The following DCC variants were observed in gnomAD, a reference collection of about 807,000 sequenced individuals.
DCC encodes netrin receptor DCC.
In DCC, 58 loss-of-function variants were observed where a neutral mutation model predicts 172.5. That is an observed-to-expected ratio of 0.34 (90% confidence interval 0.27 to 0.42). DCC has a LOEUF of 0.42. Among genes scored for constraint, DCC ranks in the 10% least tolerant of loss-of-function variants. DCC has a pLI of 1.00. For synonymous variants in DCC, 709 were observed against 644.5 expected (o/e 1.10, Z -1.52); for missense variants, 1,740 against 1,791.0 (o/e 0.97, Z 0.51).
chr18:53,021,263 C>A (rs562416986), intron 5 of DCC, among the ~76,000 whole-genome samples: 3 of 152,302 alleles, frequency 2.0e-5, no homozygotes, highest in Admixed American at 2.0e-4. Flanking sequence ...GTTCTAACCT[C>A]TGAAATCTGT....
At chr18:52,641,837 C>T (rs1290240560) in intron 1 of DCC, among the ~76,000 whole-genome samples, 1 of 151,876 alleles carries the variant, frequency 6.6e-6, no homozygotes, top group Non-Finnish European at 1.5e-5. Context: ...AGTAGAACTA[C>T]CATTTGATCC....
intron 2 of DCC, among the ~76,000 whole-genome samples, chr18:52,780,179 G>T (rs2145183420): frequency 6.6e-6 from 1 of 152,046 alleles, no homozygotes; most frequent in Admixed American, 6.6e-5. Context: ...AGTATTTTTA[G>T]TTGAATTTCA....
intron 2 of DCC, among the ~76,000 whole-genome samples, chr18:52,825,191 G>A (rs2038488557): frequency 6.6e-6 from 1 of 152,140 alleles, no homozygotes; most frequent in Non-Finnish European, 1.5e-5. Flanking sequence ...GAGAATGGAT[G>A]CTAACCATCC....
chr18:53,509,543 A>T (rs1198531299), intron 27 of DCC, among the ~76,000 whole-genome samples: 1 of 152,190 alleles, frequency 6.6e-6, no homozygotes, highest in Non-Finnish European at 1.5e-5. Flanking sequence ...AGATTAGATT[A>T]TGAGGTAGTT....
intron 5 of DCC, among the ~76,000 whole-genome samples, chr18:52,940,621 G>T (rs1355421686): frequency 6.6e-6 from 1 of 152,208 alleles, no homozygotes; most frequent in Non-Finnish European, 1.5e-5. Context: ...AAAGCTGTGT[G>T]AATGGGGAAA....
rs533506493 is a variant in DCC, at chr18:52,516,669, A to C, written c.91+175791A>C. ...ATGGCTTAATACTGTCATATACATC[A>C]AAGTGCATTAAATACCTGAAAAGGT... On this transcript the variant is annotated intron_variant, in intron 1 of 28. Coordinates refer to ENST00000442544, the MANE Select transcript of DCC (RefSeq NM_005215.4). Among the ~76,000 whole-genome samples, 30 of 152,356 alleles carry C rather than the reference A, an allele frequency of 2.0e-4. 1 individual carries two copies. The South Asian group carries it at 6.2e-3, about 32-fold the overall frequency.
intron 2 of DCC, among the ~76,000 whole-genome samples, chr18:52,800,718 T>C (rs1413728886): frequency 1.3e-5 from 2 of 152,224 alleles, no homozygotes; most frequent in Non-Finnish European, 2.9e-5. Context: ...TTTTCATAAG[T>C]ACAATTGGTT....
At chr18:52,730,146 C>A (rs933719453) in intron 1 of DCC, among the ~76,000 whole-genome samples, 2 of 152,122 alleles carry the variant, frequency 1.3e-5, no homozygotes, top group Non-Finnish European at 1.5e-5. Flanking sequence ...GAGTAGAGGG[C>A]AGTGGTTCTC....
chr18:53,000,948 C>T (rs528586136), intron 5 of DCC, among the ~76,000 whole-genome samples: 2 of 151,788 alleles, frequency 1.3e-5, no homozygotes, highest in African/African-American at 4.8e-5. Flanking sequence ...GGGTTTTTTT[C>T]CCATCGACTG....
chr18:52,831,154 A>G (rs778827175), intron 2 of DCC, among the ~76,000 whole-genome samples: 10 of 152,160 alleles, frequency 6.6e-5, no homozygotes, highest in Non-Finnish European at 1.2e-4. Context: ...CAAGCAACCA[A>G]CAGTGCAAAA....
chr18:52,481,808 G>A lies in DCC; in HGVS notation c.91+140930G>A, dbSNP rs544335928. On this transcript the variant is annotated intron_variant, in intron 1 of 28. Transcript: ENST00000442544. The stretch of plus-strand genomic sequence containing the variant: ...GATAATAACACCTCCCCATGAGATC[G>A]TTTTGAAGAAAAATAAATGAGTAAA... Among the ~76,000 whole-genome samples the A allele has an allele frequency of 8.6e-5, 13 of 151,972 alleles. No individual in the cohort carries two copies. The South Asian group carries it at 1.7e-3, about 19-fold the overall frequency.
chr18:53,448,047 G>GTTTTTTTTTTTTTTTTTTTTTTTT (rs35238619), intron 22 of DCC, among the ~76,000 whole-genome samples: 1 of 113,756 alleles, frequency 8.8e-6, no homozygotes, highest in Non-Finnish European at 1.7e-5. Flanking sequence ...ATTTTGATGA[G>GTTTTTTTTTTTTTTTTTTTTTTTT]TTTTTTTTTT....
intron 9 of DCC, among the ~76,000 whole-genome samples, chr18:53,183,300 G>A (rs1208851612): frequency 1.3e-5 from 2 of 152,078 alleles, no homozygotes; most frequent in Non-Finnish European, 2.9e-5. Context: ...GAAATAGAAA[G>A]GCTTGATTTA....
chr18:53,312,694 A>G (rs1229715410), intron 13 of DCC, among the ~76,000 whole-genome samples: 1 of 146,090 alleles, frequency 6.8e-6, no homozygotes, highest in African/African-American at 2.5e-5. Flanking sequence ...CTGTAATCCC[A>G]GCTACTCGGG....
chr18:53,330,255 C>G (rs902550872), intron 14 of DCC, among the ~76,000 whole-genome samples: 1 of 152,160 alleles, frequency 6.6e-6, no homozygotes, highest in African/African-American at 2.4e-5. Flanking sequence ...AGTATCATTT[C>G]CCTTAAGATT....
intron 1 of DCC, among the ~76,000 whole-genome samples, chr18:52,685,642 C>T (rs556821014): frequency 1.6e-3 from 246 of 152,188 alleles, no homozygotes; most frequent in Non-Finnish European, 2.9e-3. Context: ...CTCTTGCTTC[C>T]TCTCTGGCCA....
chr18:53,239,882 T>C (rs980762871), intron 12 of DCC, among the ~76,000 whole-genome samples: 1 of 152,058 alleles, frequency 6.6e-6, no homozygotes, highest in Non-Finnish European at 1.5e-5. Context: ...GTAAAAGTGC[T>C]ACATAAGTAG....
chr18:52,809,327 C>T (rs118005926), intron 2 of DCC: 4,446 of 157,194 alleles, frequency 0.028, 154 homozygotes, highest in South Asian at 0.048. Context: ...CCCAAGATGG[C>T]GGCAGGCCAC....
chr18:53,417,226 C>T (rs1456878255), intron 21 of DCC, among the ~76,000 whole-genome samples: 1 of 152,198 alleles, frequency 6.6e-6, no homozygotes, highest in African/African-American at 2.4e-5. Context: ...ATGCTTCCTG[C>T]ATGAGTAGCA....
Sources: allele counts gnomAD v4.1 joint callset (sites outside exome capture counted in the v4.1 genomes callset), GRCh38; gene constraint gnomAD v4.1.1; transcripts MANE v1.5; gene names NCBI Gene and HGNC (gene_info 2026-07-23, HGNC 2026-07-21).